FAS: variants seen among roughly 807,000 people sequenced by gnomAD.
FAS encodes Fas cell surface death receptor.
FAS carries 5 observed loss-of-function variants against 33.2 expected under a neutral mutation model. The observed-to-expected ratio is 0.15, with a 90% CI of 0.08 to 0.32. The LOEUF is 0.32. Among genes scored for constraint, FAS ranks in the 10% least tolerant of loss-of-function variants. FAS has a pLI of 1.00. For missense variants in FAS, 339 were observed against 386.0 expected (o/e 0.88, Z 1.02); for synonymous variants, 131 against 130.7 (o/e 1.00, Z -0.01).
chr10:88,972,506 TTTG>T (rs541339829), intron 1 of FAS, among the ~76,000 whole-genome samples: 34 of 152,320 alleles, frequency 2.2e-4, no homozygotes, highest in African/African-American at 7.2e-4. Context: ...TTTTGCCTTT[TTTG>T]TTGTTCTCTT....
intron 7 of FAS, 180 bp downstream of exon 7, chr10:89,012,261 T>C: frequency 1.8e-6 from 1 of 571,268 alleles, no homozygotes; most frequent in Non-Finnish European, 3.1e-6. Flanking sequence ...CACTGCAGCC[T>C]CAAAGTCCTG....
intron 7 of FAS, chr10:89,012,331 G>A (rs1329975451): frequency 2.4e-6 from 1 of 424,798 alleles, no homozygotes; most frequent in African/African-American, 2.0e-5. Flanking sequence ...GCACCACCAT[G>A]CCAGGTTAAT....
chr10:89,001,919 C>G (rs1464083352), intron 1 of FAS, among the ~76,000 whole-genome samples: 2 of 152,158 alleles, frequency 1.3e-5, no homozygotes, highest in Non-Finnish European at 2.9e-5. Flanking sequence ...ATTCAGTGCC[C>G]AAACTGGAGG....
intron 2 of FAS, among the ~76,000 whole-genome samples, chr10:88,978,253 G>A (rs1387740700): frequency 2.5e-5 from 3 of 117,692 alleles, no homozygotes; most frequent in East Asian, 2.9e-4. Flanking sequence ...CTGTTGTGGG[G>A]TGGGGGGAGG....
chr10:88,991,043 G>C (rs1412270618), intron 1 of FAS, 137 bp downstream of exon 1: 1 of 1,189,012 alleles, frequency 8.4e-7, no homozygotes, highest in Non-Finnish European at 1.2e-6. Context: ...GGGCTGCTGC[G>C]GGAGGCGTTG....
chr10:88,984,536 C>A (rs999547494), upstream of FAS, among the ~76,000 whole-genome samples: 1 of 152,196 alleles, frequency 6.6e-6, no homozygotes. Context: ...CATCTATTTG[C>A]TATATGAAAA....
At position 89,014,119 on chromosome 10, in the gene FAS, A is replaced by T; in HGVS notation, c.677A>T (p.Asp226Val). The T allele has an allele frequency of 6.2e-7, 1 of 1,613,288 alleles. No homozygotes were observed. Among genetic ancestry groups the T allele is most frequent in the Non-Finnish European group, 8.5e-7 (1 of 1,179,828 alleles). ...TTTCAGACTATTTTCTATTTTTCAGATGTTGACTTGAGTAAATATATCACC... is the reference window on the plus strand; with the variant it reads ...TTTCAGACTATTTTCTATTTTTCAGTTGTTGACTTGAGTAAATATATCACC... The part of the protein sequence containing the change: ...NPETVAINLS[D>V]VDLSKYITTI... The change falls in exon 9 of 9, where the codon GAT becomes GTT. Residue 226 changes from aspartate to valine, a missense_variant and splice_region_variant. Transcript: ENST00000652046.
rs879586985 is a variant in FAS, at chr10:88,999,168, T to TAAATA, written c.31-3836_31-3832dup. Among the ~76,000 whole-genome samples the TAAATA allele has an allele frequency of 4.6e-3, 313 of 67,834 alleles. 8 individuals are homozygous for TAAATA. The South Asian group carries it at 0.099, about 21-fold the overall frequency. The allele number at this position is 67,834 out of a possible 152,430, so 44.5% of individuals were successfully genotyped here. ...ACTCCGTCTCAAAAAAATAAATAAA[T>TAAATA]AAATAAAATAAAATAAAATAAAATA... is the stretch of plus-strand genomic sequence containing the variant. On this transcript the variant is annotated intron_variant, in intron 1 of 8. Transcript: ENST00000652046.
At chr10:88,994,045 C>T (rs772571574) in intron 1 of FAS, among the ~76,000 whole-genome samples, 5 of 152,170 alleles carry the variant, frequency 3.3e-5, no homozygotes, top group Admixed American at 2.6e-4. Flanking sequence ...CAGTTACCAC[C>T]CTTAGCAGCA....
rs1488482777 is a variant in FAS, at chr10:89,015,664, T to A, written c.*1214T>A. ...TAAATGTAAACTGTGAAGATAGTTATAAACTGAAGCAGATACCTGGAACCA... is the reference window on the plus strand; with the variant it reads ...TAAATGTAAACTGTGAAGATAGTTAAAAACTGAAGCAGATACCTGGAACCA... On this transcript the variant is annotated 3_prime_UTR_variant, in exon 9 of 9. Coordinates refer to ENST00000652046, the MANE Select transcript of FAS (RefSeq NM_000043.6). 1 of 495,914 alleles carries A rather than the reference T, an allele frequency of 2.0e-6. No homozygotes were observed. Among genetic ancestry groups the A allele is most frequent in the African/African-American group, 1.9e-5 (1 of 52,324 alleles). The allele number at this position is 495,914 out of a possible 1,614,324, so 30.7% of individuals were successfully genotyped here. A position where few individuals can be genotyped will look rare whatever the true frequency, so the allele number is the denominator to read the frequency against.
intron 2 of FAS, among the ~76,000 whole-genome samples, chr10:88,975,422 T>G (rs187206815): frequency 5.9e-5 from 9 of 152,314 alleles, no homozygotes; most frequent in African/African-American, 2.2e-4. Flanking sequence ...AAAGTGTTTG[T>G]TTTTTTCTTA....
chr10:88,988,082 T>C (rs920167466), upstream of FAS, among the ~76,000 whole-genome samples: 16 of 152,222 alleles, frequency 1.1e-4, no homozygotes, highest in Non-Finnish European at 2.4e-4. Flanking sequence ...TGCCAGCCTC[T>C]ACAATCACGT....
rs1339075278 is a variant in FAS, at chr10:89,015,546, G to A, written c.*1096G>A. 1.9e-6 allele frequency: 1 copy of A among 534,084 alleles called. No homozygotes were observed. Among genetic ancestry groups the A allele is most frequent in the South Asian group, 1.5e-5 (1 of 64,936 alleles). 33.1% of individuals were successfully genotyped at this position (534,084 alleles called of 1,614,324 possible). A position where few individuals can be genotyped will look rare whatever the true frequency, so the allele number is the denominator to read the frequency against. ...TCTTGTCATACCCCCAAGTTTCTAA[G>A]ATTTAAGATTCTCCTTACTACTATC... On this transcript the variant is annotated 3_prime_UTR_variant, in exon 9 of 9. Transcript: ENST00000652046.
chr10:89,012,219 C>A, intron 7 of FAS, 138 bp downstream of exon 7: 1 of 761,082 alleles, frequency 1.3e-6, no homozygotes, highest in Non-Finnish European at 2.2e-6. Context: ...GCTCCATAGC[C>A]CAGGCTGGAG....
At chr10:89,000,818 G>A (rs1021283974) in intron 1 of FAS, among the ~76,000 whole-genome samples, 4 of 152,202 alleles carry the variant, frequency 2.6e-5, no homozygotes, top group Non-Finnish European at 2.9e-5. Context: ...AAGCTGAGGC[G>A]GGAGCATCTT....
upstream of FAS, chr10:88,989,388 G>A (rs1458198374): frequency 2.6e-6 from 1 of 386,786 alleles, no homozygotes; most frequent in East Asian, 6.8e-5. Flanking sequence ...ATAGTTTTAG[G>A]ATTTCAAAAA....
chr10:88,976,463 T>C (rs532813726), intron 2 of FAS, among the ~76,000 whole-genome samples: 28 of 152,204 alleles, frequency 1.8e-4, no homozygotes, highest in African/African-American at 5.8e-4. Flanking sequence ...TCACGGAAAA[T>C]GGAGAAAATT....
chr10:88,990,557 G>C (rs1202919638), upstream of FAS: 1 of 639,892 alleles, frequency 1.6e-6, no homozygotes, highest in Non-Finnish European at 2.9e-6. The surrounding 1 kb of genome is among the most constrained non-coding windows in gnomAD (Gnocchi z 4.9). Context: ...CCAAGTTGCT[G>C]AATCAATGGA....
At chr10:89,004,344 GA>G (rs1227752240) in intron 2 of FAS, among the ~76,000 whole-genome samples, 1 of 151,778 alleles carries the variant, frequency 6.6e-6, no homozygotes, top group Admixed American at 6.6e-5. Context: ...TCAAAAATTT[GA>G]AAAAAAATTT....
Sources: gnomAD v4.1 joint callset for allele counts (sites outside exome capture counted in the v4.1 genomes callset) on GRCh38, gnomAD v4.1.1 for gene constraint, Gnocchi (gnomAD v3.1) non-coding constraint, MANE v1.5 for transcripts, NCBI Gene and HGNC (gene_info 2026-07-23, HGNC 2026-07-21) for gene names.